LMTK2: variants seen among roughly 807,000 people sequenced by gnomAD.
LMTK2 encodes the protein lemur tail kinase 2, also known as serine/threonine-protein kinase LMTK2.
A neutral mutation model predicts 127.5 loss-of-function variants in LMTK2; 37 were observed. That is an observed-to-expected ratio of 0.29 (90% confidence interval 0.22 to 0.38). The LOEUF (loss-of-function observed/expected upper bound fraction) is 0.38, where lower values mean the gene tolerates loss of function less well. LMTK2 is among the 10% of genes least tolerant of loss of function. The probability of loss-of-function intolerance (pLI) is 1.00; values close to 1 mark genes in which losing one functional copy is unlikely to be tolerated. For synonymous variants in LMTK2, 819 were observed against 810.1 expected (o/e 1.01, Z -0.19); for missense variants, 1,694 against 1,920.3 (o/e 0.88, Z 2.20).
intron 5 of LMTK2, among the ~76,000 whole-genome samples, chr7:98,158,691 G>A (rs1796967477): frequency 6.6e-6 from 1 of 152,118 alleles, no homozygotes; most frequent in African/African-American, 2.4e-5. Flanking sequence ...GTAATCTAGA[G>A]ACTATTTATA....
intron 1 of LMTK2, among the ~76,000 whole-genome samples, chr7:98,125,367 C>A (rs1168417590): frequency 6.6e-6 from 1 of 151,940 alleles, no homozygotes; most frequent in East Asian, 1.9e-4. Context: ...TGCCATCTGA[C>A]GTATCATATA....
intron 4 of LMTK2, among the ~76,000 whole-genome samples, chr7:98,152,457 C>T (rs559899394): frequency 6.6e-6 from 1 of 152,362 alleles, no homozygotes; most frequent in South Asian, 2.1e-4. Flanking sequence ...TTCTCTTCTG[C>T]ACCATTCAGC....
intron 2 of LMTK2, among the ~76,000 whole-genome samples, chr7:98,138,268 T>A (rs1796624538): frequency 6.6e-6 from 1 of 152,132 alleles, no homozygotes; most frequent in South Asian, 2.1e-4. Context: ...GGAGGTCCAG[T>A]GGTTCAAATT....
chr7:98,115,871 C>A (rs1478224128), intron 1 of LMTK2, among the ~76,000 whole-genome samples: 8 of 152,006 alleles, frequency 5.3e-5, no homozygotes, highest in Non-Finnish European at 1.0e-4. Flanking sequence ...CACTTTATAT[C>A]TTCATATCAT....
rs73151126 is a variant in LMTK2 at position 98,149,988 on chromosome 7, C to T, written c.377-1394C>T. Among the ~76,000 whole-genome samples the T allele has an allele frequency of 4.5e-3, 681 of 152,194 alleles. 6 individuals are homozygous for T. Among genetic ancestry groups the T allele is most frequent in the Admixed American group, 8.0e-3 (122 of 15,286 alleles). ...AAAGATTTGCATAGATATGTCACCT[C>T]AGAAGATATACAGATGGCAGGTAGG... On this transcript the variant is annotated intron_variant, in intron 3 of 13. Coordinates refer to ENST00000297293, the MANE Select transcript of LMTK2 (RefSeq NM_014916.4).
chr7:98,141,215 T>A (rs1270417807), intron 2 of LMTK2, among the ~76,000 whole-genome samples, 182 bp from the exon 3 acceptor site: 3 of 151,708 alleles, frequency 2.0e-5, no homozygotes, highest in Non-Finnish European at 4.4e-5. Flanking sequence ...ATAATTTATT[T>A]TCCTGTCTTA....
At chr7:98,152,037 A>G (rs905722358) in intron 4 of LMTK2, among the ~76,000 whole-genome samples, 4 of 152,208 alleles carry the variant, frequency 2.6e-5, no homozygotes, top group African/African-American at 9.6e-5. Context: ...GTAAGAAGGG[A>G]AAAGAGACCT....
At chr7:98,198,090 T>G (rs986926029) in intron 11 of LMTK2, among the ~76,000 whole-genome samples, 9 of 152,198 alleles carry the variant, frequency 5.9e-5, no homozygotes, top group African/African-American at 2.2e-4. Flanking sequence ...TCTTTTCTCT[T>G]TCGTTGATTT....
chr7:98,141,661 C>T, intron 3 of LMTK2, 120 bp downstream of exon 3: 1 of 969,474 alleles, frequency 1.0e-6, no homozygotes, highest in East Asian at 2.4e-5. Flanking sequence ...TCTCTTCCTT[C>T]TGCTCCCAGT....
rs549361167 is a variant in LMTK2, at chr7:98,125,745, CT to C, written c.104-11567del. Among the ~76,000 whole-genome samples, 70 of 152,298 alleles carry C rather than the reference CT, an allele frequency of 4.6e-4. No homozygotes were observed. The South Asian group carries it at 0.01, about 22-fold the overall frequency. ...AATAGGAAACCCTAGATGATCTTGC[CT>C]TTGTGTGCTGTAGAACCTTGTCAAG... On this transcript the variant is annotated intron_variant, in intron 1 of 13. Transcript: ENST00000297293.
intron 5 of LMTK2, among the ~76,000 whole-genome samples, chr7:98,156,857 C>T (rs1377908573): frequency 6.6e-6 from 1 of 152,210 alleles, no homozygotes; most frequent in African/African-American, 2.4e-5. Context: ...GTTCTTCCTT[C>T]TGTGGGGGAG....
At chr7:98,204,640 T>C (rs1797761724) in intron 13 of LMTK2, among the ~76,000 whole-genome samples, 1 of 151,820 alleles carries the variant, frequency 6.6e-6, no homozygotes, top group South Asian at 2.1e-4. Flanking sequence ...AATAAATAAA[T>C]AAAACTGCCA....
chr7:98,116,404 G>GTC (rs753108209), intron 1 of LMTK2, among the ~76,000 whole-genome samples: 1 of 150,274 alleles, frequency 6.7e-6, no homozygotes, highest in Non-Finnish European at 1.5e-5. Context: ...GTGTGTGTGT[G>GTC]TGCATGTGCG....
At chr7:98,201,406 C>T (rs1797702207) in intron 11 of LMTK2, among the ~76,000 whole-genome samples, 1 of 152,174 alleles carries the variant, frequency 6.6e-6, no homozygotes, top group Non-Finnish European at 1.5e-5. Flanking sequence ...ATCCCAAGTG[C>T]TCCAGTGAAC....
intron 6 of LMTK2, among the ~76,000 whole-genome samples, chr7:98,167,705 T>G (rs1057280870): frequency 1.3e-5 from 2 of 152,010 alleles, no homozygotes; most frequent in Non-Finnish European, 2.9e-5. Flanking sequence ...AGTCAGGAGA[T>G]GAGGGGCTGG....
rs1797844120 is a variant in LMTK2, at chr7:98,208,613, A to G, written c.*3121A>G. 6.6e-6 allele frequency: 1 copy of G among 152,214 alleles called. No individual in the cohort carries two copies. 9.4% of individuals were successfully genotyped at this position (152,214 alleles called of 1,614,324 possible). Reference sequence around the variant, plus strand: ...ACATTTTAAATCCTATAACAAAAATAATCTAGTTTTCATTTCCTTACTAGC... The same window carrying G: ...ACATTTTAAATCCTATAACAAAAATGATCTAGTTTTCATTTCCTTACTAGC... On this transcript the variant is annotated 3_prime_UTR_variant, in exon 14 of 14. Coordinates refer to ENST00000297293, the MANE Select transcript of LMTK2 (RefSeq NM_014916.4).
chr7:98,171,818 C>A lies in LMTK2; in HGVS notation c.791+144C>A. 3 of 895,652 alleles carry A rather than the reference C, an allele frequency of 3.3e-6. No individual in the cohort carries two copies. Among genetic ancestry groups the A allele is most frequent in the Non-Finnish European group, 4.8e-6 (3 of 621,590 alleles). 55.5% of individuals were successfully genotyped at this position (895,652 alleles called of 1,614,324 possible). A position where few individuals can be genotyped will look rare whatever the true frequency, so the allele number is the denominator to read the frequency against. On this transcript the variant is annotated intron_variant, in intron 7 of 13. Transcript: ENST00000297293. This position sits in a 1 kb window ranked among gnomAD's most constrained non-coding sequence, Gnocchi z 5.1. ...TAGGTAGAAGCGATCTCGTTCTTAC[C>A]CATGTCCGGATAAGGGTTGAGTTGG... is the stretch of plus-strand genomic sequence containing the variant.
intron 5 of LMTK2, among the ~76,000 whole-genome samples, chr7:98,157,899 AT>A (rs1408691962): frequency 6.6e-6 from 1 of 152,172 alleles, no homozygotes; most frequent in Non-Finnish European, 1.5e-5. Flanking sequence ...GGTTACACAC[AT>A]CTGTGCACGT....
At chr7:98,180,896 C>A (rs765179819) in intron 7 of LMTK2, among the ~76,000 whole-genome samples, 1 of 151,990 alleles carries the variant, frequency 6.6e-6, no homozygotes, top group Non-Finnish European at 1.5e-5. Context: ...CAGGTCGGGC[C>A]GGGCCCAGCT....
Sources: allele counts gnomAD v4.1 joint callset (sites outside exome capture counted in the v4.1 genomes callset), GRCh38; gene constraint gnomAD v4.1.1; non-coding constraint Gnocchi (gnomAD v3.1); transcripts MANE v1.5; gene names NCBI Gene and HGNC (gene_info 2026-07-23, HGNC 2026-07-21).